The following TMEM91 variants were observed in gnomAD, a reference collection of about 807,000 sequenced individuals.
TMEM91 encodes dispanin subfamily C member 3.
In TMEM91, 6 loss-of-function variants were observed where a neutral mutation model predicts 13.3. The observed-to-expected ratio is 0.45, with a 90% CI of 0.25 to 0.89. The LOEUF (loss-of-function observed/expected upper bound fraction) is 0.89, where lower values mean the gene tolerates loss of function less well. Among genes scored for constraint, TMEM91 ranks in the 40% least tolerant of loss-of-function variants. The probability of loss-of-function intolerance (pLI) is 0.19; values close to 1 mark genes in which losing one functional copy is unlikely to be tolerated. For missense variants in TMEM91, 193 were observed against 228.7 expected (o/e 0.84, Z 1.01); for synonymous variants, 87 against 101.7 (o/e 0.86, Z 0.87).
chr19:41,365,409 G>T (rs563669183), intron 1 of TMEM91, among the ~76,000 whole-genome samples: 1 of 151,972 alleles, frequency 6.6e-6, no homozygotes, highest in Non-Finnish European at 1.5e-5. Flanking sequence ...TATAATTTTG[G>T]TTTTTTACTT....
intron 3 of TMEM91, 148 bp downstream of exon 3, chr19:41,383,069 A>T: frequency 8.3e-7 from 1 of 1,206,530 alleles, no homozygotes. Flanking sequence ...TCTCTGCAAG[A>T]TTTTTTTTGA....
upstream of TMEM91, among the ~76,000 whole-genome samples, chr19:41,375,642 C>G (rs899202525): frequency 1.3e-5 from 2 of 151,366 alleles, no homozygotes; most frequent in African/African-American, 4.8e-5. Flanking sequence ...TTCAGCACTC[C>G]TCCGCAAAAA....
At chr19:41,363,996 A>C (rs928188526), upstream of TMEM91, 1 of 209,170 alleles carries the variant, frequency 4.8e-6, no homozygotes. Flanking sequence ...GAAAGCGGCA[A>C]CCGGGGTTGT....
At chr19:41,370,637 C>G (rs2038600774) in intron 1 of TMEM91, among the ~76,000 whole-genome samples, 1 of 151,904 alleles carries the variant, frequency 6.6e-6, no homozygotes, top group Admixed American at 6.6e-5. Context: ...GAACTCCTGA[C>G]CTTGTGATCC....
chr19:41,370,493 G>A (rs547525457), intron 1 of TMEM91, among the ~76,000 whole-genome samples: 5 of 151,870 alleles, frequency 3.3e-5, no homozygotes, highest in Non-Finnish European at 5.9e-5. Context: ...TGCAACCTCC[G>A]CCTTCCGGGT....
At chr19:41,380,845 C>T (rs2038862230) in intron 2 of TMEM91, among the ~76,000 whole-genome samples, 1 of 141,232 alleles carries the variant, frequency 7.1e-6, no homozygotes, top group Admixed American at 7.6e-5. Flanking sequence ...ACCTGGGAGG[C>T]GGAGGTTGCA....
At chr19:41,383,293 A>G in intron 3 of TMEM91, 2 of 373,264 alleles carry the variant, frequency 5.4e-6, no homozygotes, top group Non-Finnish European at 9.2e-6. Context: ...ACCTCAAGTG[A>G]TCCTCCCATC....
At position 41,378,465 on chromosome 19, in the gene TMEM91, G is replaced by A. The variant is rs1409084566; in HGVS notation, c.156G>A (p.Pro52=). 5.6e-6 allele frequency: 9 copies of A among 1,614,088 alleles called. No homozygotes were observed. Among genetic ancestry groups the A allele is most frequent in the East Asian group, 2.2e-5 (1 of 44,872 alleles). Residue 52 remains proline, a synonymous_variant, in exon 2 of 4, where the codon CCG becomes CCA. Coordinates refer to ENST00000392002, the MANE Select transcript of TMEM91 (RefSeq NM_001098821.2). Reference sequence around the variant, plus strand: ...TGAGGGGTTTGCAGTTCCTGTCACCGCCTCTTCCCTCCGTGAGCGCTGGCC... The same window carrying A: ...TGAGGGGTTTGCAGTTCCTGTCACCACCTCTTCCCTCCGTGAGCGCTGGCC... The part of the protein sequence containing the change: ...ESLRGLQFLS[P]PLPSVSAGLG...
upstream of TMEM91, among the ~76,000 whole-genome samples, chr19:41,375,668 A>G (rs2038703320): frequency 6.6e-6 from 1 of 150,878 alleles, no homozygotes; most frequent in Non-Finnish European, 1.5e-5. Flanking sequence ...CCCAAAACAA[A>G]ATAGGCCAGG....
At chr19:41,368,249 G>T in intron 1 of TMEM91, among the ~76,000 whole-genome samples, 1 of 151,500 alleles carries the variant, frequency 6.6e-6, no homozygotes, top group East Asian at 1.9e-4. Flanking sequence ...TCATTTCTAC[G>T]AAAACGTTTA....
intron 2 of TMEM91, among the ~76,000 whole-genome samples, chr19:41,382,469 CA>C (rs1484819312): frequency 3.3e-5 from 5 of 152,074 alleles, no homozygotes; most frequent in Admixed American, 1.3e-4. Flanking sequence ...ACTAAAAATA[CA>C]AAATTAGCCA....
upstream of TMEM91, among the ~76,000 whole-genome samples, chr19:41,375,388 C>T (rs1237145963): frequency 7.1e-6 from 1 of 141,070 alleles, no homozygotes; most frequent in Non-Finnish European, 1.5e-5. Context: ...ACGCCATTCT[C>T]CTGCCTCAGC....
At chr19:41,367,846 G>C (rs1442172848) in intron 1 of TMEM91, among the ~76,000 whole-genome samples, 1 of 152,034 alleles carries the variant, frequency 6.6e-6, no homozygotes, top group Admixed American at 6.6e-5. Context: ...TGTTGCCCAG[G>C]CTTGTCTCAA....
rs752790244 is a variant in TMEM91 at position 41,378,499 on chromosome 19, C to T, written c.190C>T (p.Pro64Ser). The change falls in exon 2 of 4, where the codon CCA (proline) becomes TCA (serine). Residue 64 changes from proline to serine, a missense_variant. Coordinates refer to ENST00000392002, the MANE Select transcript of TMEM91 (RefSeq NM_001098821.2). ...CTCCGTGAGCGCTGGCCTGGGGGAA[C>T]CAAGGCCCCCTGATGTTGAGGTAGG... The part of the protein sequence containing the change: ...LPSVSAGLGE[P>S]RPPDVEDMSS... The T allele has an allele frequency of 2.5e-6, 4 of 1,613,988 alleles. No individual in the cohort carries two copies. Among genetic ancestry groups the T allele is most frequent in the Admixed American group, 3.3e-5 (2 of 59,984 alleles).
At position 41,383,801 on chromosome 19, in the gene TMEM91, G is replaced by T; in HGVS notation, c.447G>T (p.Gly149=). The T allele has an allele frequency of 6.2e-7, 1 of 1,611,848 alleles. No homozygotes were observed. The highest frequency in any genetic ancestry group is 1.1e-5 in the South Asian group (1 of 90,814). ...TCCTGCTGGGGGTCCTCGCCGTCGG[G>T]CTGGGCGTGTGCACGTATGCGGCTG... ...RAFLLGVLAV[G]LGVCTYAAAL... is the part of the protein sequence containing the mutation. The change falls in exon 4 of 4, where the codon GGG becomes GGT. Residue 149 remains glycine, a synonymous_variant. Coordinates refer to ENST00000392002, the MANE Select transcript of TMEM91 (RefSeq NM_001098821.2).
upstream of TMEM91, among the ~76,000 whole-genome samples, chr19:41,372,864 G>T (rs1156835330): frequency 6.6e-6 from 1 of 152,242 alleles, no homozygotes; most frequent in Admixed American, 6.5e-5. Context: ...TATCAAATCA[G>T]ATTTTCACCC....
At chr19:41,372,199 T>C (rs2038635379), upstream of TMEM91, among the ~76,000 whole-genome samples, 1 of 151,978 alleles carries the variant, frequency 6.6e-6, no homozygotes, top group Non-Finnish European at 1.5e-5. Context: ...ATATAAAAAT[T>C]AGCTGGGCAT....
intron 3 of TMEM91, 171 bp from the exon 4 acceptor site, chr19:41,383,544 T>A: frequency 6.3e-7 from 1 of 1,585,588 alleles, no homozygotes; most frequent in Non-Finnish European, 8.6e-7. Flanking sequence ...ATTTTAATGT[T>A]TTTATTAACC....
chr19:41,380,380 A>G (rs1877544793), intron 2 of TMEM91, among the ~76,000 whole-genome samples: 1 of 152,130 alleles, frequency 6.6e-6, no homozygotes, highest in Admixed American at 6.6e-5. Context: ...CTTCCACCAC[A>G]TTCTATTAAT....
Sources: allele counts gnomAD v4.1 joint callset (sites outside exome capture counted in the v4.1 genomes callset), GRCh38; gene constraint gnomAD v4.1.1; transcripts MANE v1.5; gene names NCBI Gene and HGNC (gene_info 2026-07-23, HGNC 2026-07-21).